FOXP1: variants seen among roughly 807,000 people sequenced by gnomAD.
FOXP1 encodes the protein forkhead box protein P1.
A neutral mutation model predicts 98.2 loss-of-function variants in FOXP1; 15 were observed. That is an observed-to-expected ratio of 0.15 (90% CI 0.10 to 0.24). The LOEUF is 0.24. Ranked by LOEUF, FOXP1 falls within the 10% of genes least tolerant of loss-of-function variation. FOXP1 has a pLI of 1.00. For missense variants in FOXP1, 633 were observed against 848.5 expected (o/e 0.75, Z 3.15); for synonymous variants, 371 against 314.5 (o/e 1.18, Z -1.90).
chr3:71,373,191 T>G (rs940139015), intron 3 of FOXP1, among the ~76,000 whole-genome samples: 1 of 152,222 alleles, frequency 6.6e-6, no homozygotes, highest in Non-Finnish European at 1.5e-5. Flanking sequence ...ACCCATATTA[T>G]GTCATTGTGT....
intron 3 of FOXP1, among the ~76,000 whole-genome samples, chr3:71,431,300 C>A (rs913141923): frequency 1.3e-5 from 2 of 152,174 alleles, no homozygotes; most frequent in Admixed American, 1.3e-4. Context: ...TCTCCATAGA[C>A]AGAGTGCGAG....
chr3:71,419,151 C>G (rs2083435277), intron 3 of FOXP1, among the ~76,000 whole-genome samples: 1 of 140,058 alleles, frequency 7.1e-6, no homozygotes, highest in Non-Finnish European at 1.5e-5. Flanking sequence ...AGAAGAATCA[C>G]TTTAAACTGG....
chr3:71,096,446 C>T (rs914522539), intron 7 of FOXP1, among the ~76,000 whole-genome samples: 1 of 152,142 alleles, frequency 6.6e-6, no homozygotes, highest in African/African-American at 2.4e-5. Flanking sequence ...AGTTCTGATG[C>T]ACCCCTAGGA....
At chr3:71,290,741 G>A (rs10460940) in intron 5 of FOXP1, among the ~76,000 whole-genome samples, 40,552 of 151,984 alleles carry the variant, frequency 0.27, 5,795 homozygotes, top group Middle Eastern at 0.33. Context: ...AAAGTGCTCC[G>A]AAATCCAAAA....
chr3:71,190,685 A>C (rs1480756355), intron 6 of FOXP1, among the ~76,000 whole-genome samples: 7 of 151,668 alleles, frequency 4.6e-5, no homozygotes, highest in Admixed American at 4.6e-4. Flanking sequence ...GAAAATATGC[A>C]AATGATCAAA....
chr3:71,392,541 T>C (rs2081109179), intron 3 of FOXP1, among the ~76,000 whole-genome samples: 1 of 152,246 alleles, frequency 6.6e-6, no homozygotes, highest in African/African-American at 2.4e-5. Context: ...CTAACTTGCA[T>C]ATTTCTCCAT....
At chr3:71,093,448 T>C (rs372867122) in intron 7 of FOXP1, among the ~76,000 whole-genome samples, 1 of 142,614 alleles carries the variant, frequency 7.0e-6, no homozygotes, top group Non-Finnish European at 1.6e-5. Context: ...AAAATCCAAC[T>C]CTTTGACTGT....
chr3:71,406,522 G>A (rs759187688), intron 3 of FOXP1, among the ~76,000 whole-genome samples: 9 of 150,810 alleles, frequency 6.0e-5, no homozygotes, highest in South Asian at 2.1e-4. Flanking sequence ...AGTCCTTCTC[G>A]TGATGCTATC....
At chr3:71,568,995 C>A (rs2047129283) in intron 2 of FOXP1, among the ~76,000 whole-genome samples, 1 of 152,220 alleles carries the variant, frequency 6.6e-6, no homozygotes, top group Non-Finnish European at 1.5e-5. Flanking sequence ...TTTTATACCA[C>A]ATTTTTACAG....
intron 5 of FOXP1, among the ~76,000 whole-genome samples, chr3:71,291,718 T>A (rs1328687692): frequency 6.7e-6 from 1 of 149,390 alleles, no homozygotes; most frequent in East Asian, 1.9e-4. Flanking sequence ...CTGTATTTTT[T>A]TTTTTTTTTT....
intron 5 of FOXP1, among the ~76,000 whole-genome samples, chr3:71,220,981 T>G (rs889087135): frequency 6.6e-6 from 1 of 151,236 alleles, no homozygotes; most frequent in African/African-American, 2.4e-5. Flanking sequence ...TAGACACACA[T>G]ATATAAAGCT....
chr3:71,067,661 C>T (rs1523025), intron 7 of FOXP1, among the ~76,000 whole-genome samples: 25,291 of 150,976 alleles, frequency 0.17, 2,795 homozygotes, highest in East Asian at 0.51. Flanking sequence ...CTTTGGGAGG[C>T]CAAGGCAGGA....
At chr3:71,274,491 A>T (rs1293050936) in intron 5 of FOXP1, among the ~76,000 whole-genome samples, 1 of 152,192 alleles carries the variant, frequency 6.6e-6, no homozygotes, top group Non-Finnish European at 1.5e-5. Flanking sequence ...TAAATTCAGA[A>T]GAGAGCAGAG....
chr3:71,581,577 GC>G lies in FOXP1; in HGVS notation c.-327del. ...CGGAGTCCGGGGAGGGAGTAGGAGCGCCGCCTTCACGCCCGCGGAGGAGGCG... is the reference window on the plus strand; with the variant it reads ...CGGAGTCCGGGGAGGGAGTAGGAGCGCGCCTTCACGCCCGCGGAGGAGGCG... On this transcript the variant is annotated 5_prime_UTR_variant, in exon 2 of 21. Coordinates refer to ENST00000649528, the MANE Select transcript of FOXP1 (RefSeq NM_001349338.3). 1 of 985,500 alleles carries G rather than the reference GC, an allele frequency of 1.0e-6. No homozygotes were observed. Among genetic ancestry groups the G allele is most frequent in the South Asian group, 4.7e-5 (1 of 21,334 alleles). 61.0% of individuals were successfully genotyped at this position (985,500 alleles called of 1,614,324 possible). A position where few individuals can be genotyped will look rare whatever the true frequency, so the allele number is the denominator to read the frequency against.
At chr3:71,563,727 T>C (rs1172875324) in intron 2 of FOXP1, among the ~76,000 whole-genome samples, 1 of 152,224 alleles carries the variant, frequency 6.6e-6, no homozygotes, top group Non-Finnish European at 1.5e-5. Context: ...AATTCACTTA[T>C]TAAAGATATT....
At chr3:71,227,936 T>C (rs1251015142) in intron 5 of FOXP1, among the ~76,000 whole-genome samples, 1 of 1,660 alleles carries the variant, frequency 6.0e-4, no homozygotes, top group Non-Finnish European at 2.5e-3. Flanking sequence ...AATCGAAGAA[T>C]GTGTATGACT....
chr3:71,507,812 C>T (rs952595207), intron 2 of FOXP1, among the ~76,000 whole-genome samples: 12 of 152,118 alleles, frequency 7.9e-5, no homozygotes, highest in African/African-American at 2.4e-4. Context: ...CTCCTGACCT[C>T]GTGATCCACC....
intron 4 of FOXP1, among the ~76,000 whole-genome samples, chr3:71,355,482 A>T (rs2078090773): frequency 6.6e-6 from 1 of 152,174 alleles, no homozygotes; most frequent in South Asian, 2.1e-4. Context: ...TGAACTGAAC[A>T]CTAAGGGATG....
chr3:71,052,964 G>A (rs903045563), intron 8 of FOXP1, among the ~76,000 whole-genome samples: 2 of 152,150 alleles, frequency 1.3e-5, no homozygotes, highest in African/African-American at 4.8e-5. Context: ...CTAAATGACA[G>A]GGCTGGGCAC....
Sources: allele counts gnomAD v4.1 joint callset (sites outside exome capture counted in the v4.1 genomes callset), GRCh38; gene constraint gnomAD v4.1.1; transcripts MANE v1.5; gene names NCBI Gene and HGNC (gene_info 2026-07-23, HGNC 2026-07-21).